MMUT: variants seen among roughly 807,000 people sequenced by gnomAD.
MMUT encodes methylmalonyl-CoA mutase, also known as methylmalonyl-CoA mutase, mitochondrial.
In MMUT, 79 loss-of-function variants were observed where a neutral mutation model predicts 79.9. The ratio of observed to expected loss-of-function variants is 0.99; its 90% CI spans 0.82 to 1.19. The LOEUF is 1.19. Among genes scored for constraint, MMUT ranks in the 50% most tolerant of loss-of-function variants. MMUT has a pLI of 0.00. For synonymous variants in MMUT, 273 were observed against 295.7 expected, an observed-to-expected ratio of 0.92 and a Z score of 0.79; for missense variants, 860 against 917.2, an observed-to-expected ratio of 0.94 and a Z score of 0.81.
At position 49,431,128 on chromosome 6, in the gene MMUT, T is replaced by C. The variant is rs552751982; in HGVS notation, c.*600A>G. 6.6e-6 allele frequency: 1 copy of C among 152,396 alleles called. No individual in the cohort carries two copies. Among genetic ancestry groups the C allele is most frequent in the Admixed American group, 6.5e-5 (1 of 15,298 alleles). The allele number at this position is 152,396 out of a possible 1,614,324, so 9.4% of individuals were successfully genotyped here. On this transcript the variant is annotated 3_prime_UTR_variant, in exon 13 of 13. Transcript: ENST00000274813. The stretch of plus-strand genomic sequence containing the variant: ...CAGATGGTCATGATCAGGAAGAAAG[T>C]AAACTCAGACTTGAAGAAATATACT...
At chr6:49,449,529 C>T (rs1767496659) in intron 6 of MMUT, among the ~76,000 whole-genome samples, 1 of 152,126 alleles carries the variant, frequency 6.6e-6, no homozygotes. Context: ...TCTGCAACCA[C>T]CCCTCTCTCA....
intron 6 of MMUT, 58 bp from the exon 7 acceptor site, chr6:49,448,985 T>A: frequency 8.9e-7 from 1 of 1,129,642 alleles, no homozygotes; most frequent in Non-Finnish European, 1.3e-6. Flanking sequence ...GTGTAAACTA[T>A]ATAAATTTGT....
intron 11 of MMUT, among the ~76,000 whole-genome samples, chr6:49,439,522 T>G (rs1767215797): frequency 6.6e-6 from 1 of 152,104 alleles, no homozygotes; most frequent in South Asian, 2.1e-4. Flanking sequence ...CCTTCTCCTA[T>G]TCTGGACCCC....
chr6:49,445,099 T>C (rs544826207), intron 8 of MMUT, among the ~76,000 whole-genome samples: 111 of 152,214 alleles, frequency 7.3e-4, no homozygotes, highest in African/African-American at 2.5e-3. Flanking sequence ...ATATGAAGTA[T>C]TTTGAAGGAA....
chr6:49,458,831 C>A (rs910647652), intron 2 of MMUT, among the ~76,000 whole-genome samples: 1 of 152,182 alleles, frequency 6.6e-6, no homozygotes, highest in Non-Finnish European at 1.5e-5. Context: ...TTTCTTCATG[C>A]AACTTTACCT....
At chr6:49,445,091 A>G (rs1767378896) in intron 8 of MMUT, among the ~76,000 whole-genome samples, 1 of 152,120 alleles carries the variant, frequency 6.6e-6, no homozygotes, top group African/African-American at 2.4e-5. Flanking sequence ...GGTCTTTCAT[A>G]TGAAGTATTT....
In MMUT at chr6:49,447,667, T is replaced by C. The variant is rs1767442593; in HGVS notation, c.1560+3A>G. On this transcript the variant is annotated splice_donor_region_variant and intron_variant, in intron 8 of 12. Coordinates refer to ENST00000274813, the MANE Select transcript of MMUT (RefSeq NM_000255.4). ...AAAAAAAAAAAAAGCAAGCTATTAA[T>C]ACCTTCTTAAGTTTTTCAATCTGCC... 6.8e-7 allele frequency: 1 copy of C among 1,481,310 alleles called. No homozygotes were observed. Among genetic ancestry groups the C allele is most frequent in the Non-Finnish European group, 9.4e-7 (1 of 1,064,026 alleles). The allele number at this position is 1,481,310 out of a possible 1,614,324, so 91.8% of individuals were successfully genotyped here.
chr6:49,446,562 A>G (rs1316984611), intron 8 of MMUT, among the ~76,000 whole-genome samples: 1 of 151,866 alleles, frequency 6.6e-6, no homozygotes, highest in Non-Finnish European at 1.5e-5. Flanking sequence ...CTCTCCAATC[A>G]TTAGTTCCCT....
At position 49,459,509 on chromosome 6, in the gene MMUT, G is replaced by A. The variant is rs778231538; in HGVS notation, c.-39-4C>T. 1 of 1,595,316 alleles carries A rather than the reference G, an allele frequency of 6.3e-7. No individual in the cohort carries two copies. The highest frequency in any genetic ancestry group is 1.7e-5 in the Admixed American group (1 of 59,110). On this transcript the variant is annotated splice_polypyrimidine_tract_variant and splice_region_variant and intron_variant, in intron 1 of 12. Coordinates refer to ENST00000274813, the MANE Select transcript of MMUT (RefSeq NM_000255.4). ...CCCAATAGAAATAAGAACTGACCTA[G>A]AAAAAGAAACATAGAGTAAAAACAT...
chr6:49,459,289 T>G lies in MMUT; in HGVS notation c.178A>C (p.Ile60Leu), dbSNP rs756504816. Residue 60 changes from isoleucine (I) to leucine (L), a missense_variant, in exon 2 of 13, where the codon ATA becomes CTA. Coordinates refer to ENST00000274813, the MANE Select transcript of MMUT (RefSeq NM_000255.4). ...GAGATCCCTTCCGGGGTGTGCCATA[T>G]TAGGTCTTCTGGGTTTTTGCCTTTC... is the stretch of plus-strand genomic sequence containing the variant. ...QLKGKNPEDL[I>L]WHTPEGISIK... 6.2e-7 allele frequency: 1 copy of G among 1,614,174 alleles called. No homozygotes were observed. The highest frequency in any genetic ancestry group is 8.5e-7 in the Non-Finnish European group (1 of 1,180,028).
chr6:49,437,349 C>A (rs960184347), intron 11 of MMUT, among the ~76,000 whole-genome samples: 8 of 151,350 alleles, frequency 5.3e-5, no homozygotes, highest in Non-Finnish European at 8.8e-5. Flanking sequence ...TTACTAAATG[C>A]AAAGCAGAAA....
chr6:49,446,192 T>C (rs1323364663), intron 8 of MMUT, among the ~76,000 whole-genome samples: 1 of 151,866 alleles, frequency 6.6e-6, no homozygotes, highest in Non-Finnish European at 1.5e-5. Context: ...AATAATTTAA[T>C]ATAAAATTAC....
At chr6:49,450,187 C>T (rs970309190) in intron 6 of MMUT, among the ~76,000 whole-genome samples, 8 of 149,624 alleles carry the variant, frequency 5.3e-5, no homozygotes, top group African/African-American at 1.5e-4. Flanking sequence ...GCCGAGATCA[C>T]GCCACTGCAC....
intron 3 of MMUT, 116 bp from the exon 4 acceptor site, chr6:49,456,353 G>C (rs909048321): frequency 1.3e-6 from 1 of 768,098 alleles, no homozygotes; most frequent in African/African-American, 1.8e-5. Flanking sequence ...AAATAAACTT[G>C]GTAGTTCATA....
intron 3 of MMUT, among the ~76,000 whole-genome samples, chr6:49,457,226 T>C (rs1233085146): frequency 2.0e-5 from 3 of 152,204 alleles, no homozygotes; most frequent in African/African-American, 7.2e-5. Flanking sequence ...TGGAAGGATT[T>C]TTCCCATCAT....
chr6:49,441,778 A>G, intron 10 of MMUT, 62 bp downstream of exon 10: 2 of 1,558,592 alleles, frequency 1.3e-6, no homozygotes, highest in Non-Finnish European at 1.7e-6. Context: ...CTCCCAGTAG[A>G]TTCAAGGGGA....
At chr6:49,445,677 A>G (rs557742705) in intron 8 of MMUT, among the ~76,000 whole-genome samples, 60 of 152,208 alleles carry the variant, frequency 3.9e-4, no homozygotes, top group Non-Finnish European at 7.5e-4. Context: ...TAGTTGTTAT[A>G]GTGTATGGTT....
chr6:49,435,351 AAAT>A, intron 12 of MMUT, 102 bp downstream of exon 12: 1 of 1,185,210 alleles, frequency 8.4e-7, no homozygotes, highest in South Asian at 1.3e-5. Flanking sequence ...AATCACCAGG[AAAT>A]AATATGTTCC....
intron 8 of MMUT, among the ~76,000 whole-genome samples, chr6:49,446,497 GCATT>G (rs1281725906): frequency 6.6e-6 from 1 of 151,820 alleles, no homozygotes; most frequent in African/African-American, 2.4e-5. Flanking sequence ...CAAAAAGCCT[GCATT>G]CAAATCCCAG....
Sources: allele counts gnomAD v4.1 joint callset (sites outside exome capture counted in the v4.1 genomes callset), GRCh38; gene constraint gnomAD v4.1.1; transcripts MANE v1.5; gene names NCBI Gene and HGNC (gene_info 2026-07-23, HGNC 2026-07-21).